MICALL1: variants seen among roughly 807,000 people sequenced by gnomAD.
MICALL1 encodes the protein MICAL like 1.
Under a neutral mutation model 83.7 loss-of-function variants are expected in MICALL1, and 61 were observed. The ratio of observed to expected loss-of-function variants is 0.73; its 90% confidence interval spans 0.59 to 0.90. The LOEUF is 0.90. MICALL1 is among the 40% of genes least tolerant of loss of function. The probability of loss-of-function intolerance (pLI) is 0.00; values close to 1 mark genes in which losing one functional copy is unlikely to be tolerated. For missense variants in MICALL1, 1,066 were observed against 1,152.0 expected (o/e 0.93, Z 1.08); for synonymous variants, 481 against 473.6 (o/e 1.02, Z -0.20).
In MICALL1 at chr22:37,921,924, T is replaced by C. The variant is rs545929265; in HGVS notation, c.570-48T>C. On this transcript the variant is annotated intron_variant, in intron 5 of 15. Coordinates refer to ENST00000215957, the MANE Select transcript of MICALL1 (RefSeq NM_033386.4). ...TGCGGCTGGAGGGGTAGCCAGTGCC[T>C]GGGCCCAGCTGCCTGGCTAAGTGAA... 272 of 1,502,356 alleles carry C rather than the reference T, an allele frequency of 1.8e-4. 3 individuals carry two copies. In the South Asian group the frequency reaches 3.5e-3, roughly 20 times the overall value. The allele number at this position is 1,502,356 out of a possible 1,614,324, so 93.1% of individuals were successfully genotyped here.
Position 37,906,545 on chromosome 22 carries a change from G to A in MICALL1, c.123G>A (p.Leu41=), listed in dbSNP as rs1188314195. 8.4e-7 allele frequency: 1 copy of A among 1,193,436 alleles called. No homozygotes were observed. Among genetic ancestry groups the A allele is most frequent in the Non-Finnish European group, 1.0e-6 (1 of 956,346 alleles). The allele number at this position is 1,193,436 out of a possible 1,614,324, so 73.9% of individuals were successfully genotyped here. The change falls in exon 1 of 16, where the codon CTG becomes CTA. Residue 41 remains leucine (L), a synonymous_variant. Coordinates refer to ENST00000215957, the MANE Select transcript of MICALL1 (RefSeq NM_033386.4). The surrounding 1 kb of genome is among the most constrained non-coding windows in gnomAD (Gnocchi z 4.4). ...ACGGCCTGGCCTTCTGCGCCATCCTGCACCGGCACCGGCCCGACCTGCTGT... is the reference window on the plus strand; with the variant it reads ...ACGGCCTGGCCTTCTGCGCCATCCTACACCGGCACCGGCCCGACCTGCTGT... ...FRDGLAFCAI[L]HRHRPDLLDF...
At chr22:37,926,111 G>T (rs1413476632) in intron 8 of MICALL1, 68 bp downstream of exon 8, 12 of 1,489,692 alleles carry the variant, frequency 8.1e-6, no homozygotes, top group Non-Finnish European at 1.1e-5. Context: ...CTGGGGAGGG[G>T]GTGTGGTGGG....
At chr22:37,939,773 CA>C (rs147934175) in intron 15 of MICALL1, among the ~76,000 whole-genome samples, 1,052 of 44,448 alleles carry the variant, frequency 0.024, 8 homozygotes, top group African/African-American at 0.089. Context: ...GTCTCCGTCT[CA>C]AAAAAAAAAA....
Position 37,940,836 on chromosome 22 carries a change from C to A in MICALL1, c.*6C>A. 1 of 1,613,584 alleles carries A rather than the reference C, an allele frequency of 6.2e-7. No homozygotes were observed. Among genetic ancestry groups the A allele is most frequent in the Non-Finnish European group, 8.5e-7 (1 of 1,179,652 alleles). ...CCCCCAGAGACAAGAGCTAACAGCA[C>A]GAGAAGCCAGTTGGGGACTGCCCCC... On this transcript the variant is annotated 3_prime_UTR_variant, in exon 16 of 16. Transcript: ENST00000215957.
Position 37,932,897 on chromosome 22 carries a change from C to A in MICALL1, c.2234+9C>A, listed in dbSNP as rs1473583117. On this transcript the variant is annotated intron_variant, in intron 12 of 15. Coordinates refer to ENST00000215957, the MANE Select transcript of MICALL1 (RefSeq NM_033386.4). The surrounding 1 kb of genome is among the most constrained non-coding windows in gnomAD (Gnocchi z 4.4). The stretch of plus-strand genomic sequence containing the variant: ...TCCGAGCTCATCTATGTGTGAGTCC[C>A]CCCGCCTGGGGCATCCCTCCCTGGA... 1 of 1,614,014 alleles carries A rather than the reference C, an allele frequency of 6.2e-7. No individual in the cohort carries two copies. Among genetic ancestry groups the A allele is most frequent in the Non-Finnish European group, 8.5e-7 (1 of 1,179,898 alleles).
At position 37,937,188 on chromosome 22, in the gene MICALL1, G is replaced by T. The variant is rs778001753; in HGVS notation, c.2417G>T (p.Arg806Leu). 6.4e-7 allele frequency: 1 copy of T among 1,550,996 alleles called. No individual in the cohort carries two copies. ...ATCATCAACTGCCTGGATGAGGACC[G>T]GCAGAGGTGACATGGCCAGGGGTGG... ...NAIINCLDED[R>L]QREEEEDKML... The change falls in exon 14 of 16, where the codon CGG becomes CTG. Residue 806 changes from arginine (R) to leucine (L), a missense_variant. Transcript: ENST00000215957.
intron 9 of MICALL1, 91 bp from the exon 10 acceptor site, chr22:37,931,708 G>A: frequency 6.5e-7 from 1 of 1,528,198 alleles, no homozygotes; most frequent in East Asian, 2.3e-5. Context: ...TGGAGTGCTG[G>A]CCTGCTTTCC....
intron 9 of MICALL1, among the ~76,000 whole-genome samples, chr22:37,929,662 T>G (rs775136773): frequency 5.9e-5 from 9 of 152,198 alleles, no homozygotes; most frequent in African/African-American, 9.7e-5. Context: ...GCTCACCTGT[T>G]TCTCAGCCCC....
intron 14 of MICALL1, 124 bp downstream of exon 14, chr22:37,937,318 CCTG>C: frequency 1.3e-6 from 1 of 756,156 alleles, no homozygotes; most frequent in Non-Finnish European, 2.1e-6. Context: ...CCAGGCCAGC[CCTG>C]CCCTCCTACC....
rs376982044 is a variant in MICALL1 at position 37,922,203 on chromosome 22, C to T, written c.801C>T (p.Ala267=). Residue 267 remains alanine, a synonymous_variant, in exon 6 of 16, where the codon GCC becomes GCT. Transcript: ENST00000215957. The part of the protein sequence containing the change: ...PSSSAPAGAE[A]DGPKASPEAR... ...CCAGTGCTCCTGCAGGGGCTGAGGC[C>T]GATGGACCCAAGGCCAGCCCTGAGG... The T allele has an allele frequency of 2.5e-5, 41 of 1,611,844 alleles. No individual in the cohort carries two copies. Among genetic ancestry groups the T allele is most frequent in the African/African-American group, 9.3e-5 (7 of 74,970 alleles).
chr22:37,939,250 C>T (rs1439042494), intron 15 of MICALL1, among the ~76,000 whole-genome samples: 1 of 152,182 alleles, frequency 6.6e-6, no homozygotes, highest in Non-Finnish European at 1.5e-5. Flanking sequence ...GAAAATGGCA[C>T]CCCCTCACAG....
At chr22:37,913,242 A>C (rs966552259) in intron 3 of MICALL1, among the ~76,000 whole-genome samples, 13 of 151,938 alleles carry the variant, frequency 8.6e-5, no homozygotes, top group Non-Finnish European at 1.3e-4. Context: ...GGGACTACAG[A>C]CGTGAGCCAC....
intron 5 of MICALL1, among the ~76,000 whole-genome samples, chr22:37,921,018 T>A (rs1929000851): frequency 6.7e-6 from 1 of 149,678 alleles, no homozygotes; most frequent in Non-Finnish European, 1.5e-5. Context: ...AGCCCAGGAG[T>A]TTGAGGCTGC....
At chr22:37,936,161 G>T (rs1387844734) in intron 13 of MICALL1, among the ~76,000 whole-genome samples, 2 of 152,192 alleles carry the variant, frequency 1.3e-5, no homozygotes, top group African/African-American at 4.8e-5. Context: ...GGGCCCCTGG[G>T]GGTGGTCCTG....
rs1455202832 is a variant in MICALL1 at position 37,906,796 on chromosome 22, C to A, written c.146+228C>A. ...CCCCGCCCGTGGGATCCCGAACTCT[C>A]CCCCGAGGCTGGTCCCTCCGCGGGG... On this transcript the variant is annotated intron_variant, in intron 1 of 15. Transcript: ENST00000215957. This position sits in a 1 kb window ranked among gnomAD's most constrained non-coding sequence, Gnocchi z 4.4. 2 of 211,598 alleles carry A rather than the reference C, an allele frequency of 9.5e-6. No homozygotes were observed. Among genetic ancestry groups the A allele is most frequent in the Non-Finnish European group, 1.8e-5 (2 of 109,284 alleles). The allele number at this position is 211,598 out of a possible 1,614,324, so 13.1% of individuals were successfully genotyped here.
At chr22:37,916,192 C>T (rs367626677) in intron 3 of MICALL1, among the ~76,000 whole-genome samples, 24 of 152,294 alleles carry the variant, frequency 1.6e-4, no homozygotes, top group African/African-American at 3.6e-4. Context: ...CACAGCTTAC[C>T]GTGCTGAGTG....
rs553381741 is a variant in MICALL1 at position 37,928,980 on chromosome 22, A to T, written c.1881+1154A>T. On this transcript the variant is annotated intron_variant, in intron 9 of 15. Transcript: ENST00000215957. ...TCTACTAAAAATACAAAAATTAGCC[A>T]GGTGTGGTGGCAGGCACCTGTAATC... Among the ~76,000 whole-genome samples the T allele has an allele frequency of 2.0e-5, 3 of 152,162 alleles. No individual in the cohort carries two copies. In the East Asian group the frequency reaches 5.8e-4, roughly 29 times the overall value.
chr22:37,938,905 G>A (rs910116846), intron 15 of MICALL1, among the ~76,000 whole-genome samples: 4 of 151,698 alleles, frequency 2.6e-5, no homozygotes, highest in Non-Finnish European at 4.4e-5. Flanking sequence ...GAGCCACTGC[G>A]CCCGGCCCTG....
chr22:37,939,868 C>T (rs564848119), intron 15 of MICALL1, among the ~76,000 whole-genome samples: 52 of 150,498 alleles, frequency 3.5e-4, no homozygotes, highest in Non-Finnish European at 5.6e-4. Flanking sequence ...GCGGGCTCAT[C>T]GCCTGAGGTC....
Sources: allele counts gnomAD v4.1 joint callset (sites outside exome capture counted in the v4.1 genomes callset), GRCh38; gene constraint gnomAD v4.1.1; non-coding constraint Gnocchi (gnomAD v3.1); transcripts MANE v1.5; gene names NCBI Gene and HGNC (gene_info 2026-07-23, HGNC 2026-07-21).